Variants in NFATC3 observed in about 807,000 individuals in gnomAD.
NFATC3 encodes nuclear factor of activated T-cells, cytoplasmic 3.
Under a neutral mutation model 98.6 loss-of-function variants are expected in NFATC3, and 46 were observed. The ratio of observed to expected loss-of-function variants is 0.47; its 90% CI spans 0.37 to 0.60. NFATC3 has a LOEUF of 0.60. NFATC3 is among the 20% of genes least tolerant of loss of function. The probability of loss-of-function intolerance (pLI) is 0.00; values close to 1 mark genes in which losing one functional copy is unlikely to be tolerated. For synonymous variants in NFATC3, 512 were observed against 472.2 expected (o/e 1.08, Z -1.09); for missense variants, 1,256 against 1,295.5 (o/e 0.97, Z 0.47).
intron 1 of NFATC3, among the ~76,000 whole-genome samples, chr16:68,087,987 G>A (rs1598332541): frequency 6.6e-6 from 1 of 152,208 alleles, no homozygotes; most frequent in East Asian, 1.9e-4. Context: ...TTCTGTTGAG[G>A]ATGTGTTATA....
At chr16:68,205,782 T>C (rs2041121854) in intron 9 of NFATC3, among the ~76,000 whole-genome samples, 1 of 152,170 alleles carries the variant, frequency 6.6e-6, no homozygotes. Context: ...TATAGAATCT[T>C]GAGAGATTAT....
At chr16:68,144,610 G>T (rs1282868611) in intron 3 of NFATC3, among the ~76,000 whole-genome samples, 1 of 152,036 alleles carries the variant, frequency 6.6e-6, no homozygotes, top group Non-Finnish European at 1.5e-5. Context: ...CTCCTAAAGT[G>T]CTGAGATTAC....
In NFATC3 at chr16:68,112,645, C is replaced by CTT. The variant is rs1567503218; in HGVS notation, c.104-9342_104-9341insTT. Among the ~76,000 whole-genome samples the CTT allele has an allele frequency of 2.4e-3, 284 of 119,180 alleles. 4 individuals are homozygous for CTT. Among genetic ancestry groups the CTT allele is most frequent in the Middle Eastern group, 0.015 (3 of 200 alleles). The allele number at this position is 119,180 out of a possible 152,430, so 78.2% of individuals were successfully genotyped here. A position where few individuals can be genotyped will look rare whatever the true frequency, so the allele number is the denominator to read the frequency against. On this transcript the variant is annotated intron_variant, in intron 1 of 9. Transcript: ENST00000346183. ...TCATTTCTTTTCATTTTTTCTTTTT[C>CTT]GTTTTTTTTTTTTTTTTTTTTTTTG... is the stretch of plus-strand genomic sequence containing the variant.
intron 9 of NFATC3, among the ~76,000 whole-genome samples, chr16:68,220,756 A>G (rs1489140328): frequency 7.8e-6 from 1 of 128,930 alleles, no homozygotes; most frequent in African/African-American, 3.6e-5. Context: ...AAAAAAAAAT[A>G]CAAAAAAAAA....
intron 9 of NFATC3, among the ~76,000 whole-genome samples, chr16:68,216,908 A>T (rs539441922): frequency 1.3e-5 from 2 of 152,318 alleles, no homozygotes; most frequent in South Asian, 4.1e-4. Flanking sequence ...TGGGGAAAAA[A>T]GGTATAATAA....
At chr16:68,196,264 C>T (rs918297934) in intron 9 of NFATC3, among the ~76,000 whole-genome samples, 10 of 151,990 alleles carry the variant, frequency 6.6e-5, no homozygotes, top group South Asian at 2.1e-4. Flanking sequence ...GGACTACAGG[C>T]GTGTACCACC....
intron 9 of NFATC3, among the ~76,000 whole-genome samples, chr16:68,216,875 A>AT (rs2041661054): frequency 6.6e-6 from 1 of 151,980 alleles, no homozygotes; most frequent in African/African-American, 2.4e-5. Flanking sequence ...AAGAGGACTG[A>AT]TTTTCCCCCT....
intron 9 of NFATC3, among the ~76,000 whole-genome samples, chr16:68,206,257 A>G (rs575944438): frequency 1.3e-5 from 2 of 152,202 alleles, no homozygotes; most frequent in African/African-American, 4.8e-5. Context: ...AAAATTCAAA[A>G]TTTACCATTT....
chr16:68,222,027 C>T (rs542061125), intron 9 of NFATC3, among the ~76,000 whole-genome samples: 89 of 151,898 alleles, frequency 5.9e-4, no homozygotes, highest in African/African-American at 1.8e-3. Flanking sequence ...CAGTGGGTCA[C>T]GCCTGTAATC....
intron 9 of NFATC3, among the ~76,000 whole-genome samples, chr16:68,192,652 A>T (rs969482817): frequency 6.6e-6 from 1 of 151,206 alleles, no homozygotes; most frequent in African/African-American, 2.4e-5. Flanking sequence ...TGAGCCCAGA[A>T]CTTCAAGACC....
At chr16:68,217,982 T>C in intron 9 of NFATC3, 1 of 1,201,010 alleles carries the variant, frequency 8.3e-7, no homozygotes, top group Non-Finnish European at 1.0e-6. Context: ...CAGCCTACCA[T>C]AGATACCTTC....
At chr16:68,137,557 T>C (rs2037490297) in intron 3 of NFATC3, among the ~76,000 whole-genome samples, 1 of 152,168 alleles carries the variant, frequency 6.6e-6, no homozygotes, top group Non-Finnish European at 1.5e-5. Flanking sequence ...CTTTCTGTTT[T>C]ACCATATTAC....
intron 9 of NFATC3, chr16:68,221,519 T>A (rs2041864503): frequency 1.6e-6 from 2 of 1,259,722 alleles, no homozygotes; most frequent in East Asian, 6.4e-5. Flanking sequence ...AAAGATTCAG[T>A]TGGCAAGTAA....
chr16:68,157,923 G>A lies in NFATC3; in HGVS notation c.1456G>A (p.Asp486Asn). 1 of 1,613,896 alleles carries A rather than the reference G, an allele frequency of 6.2e-7. No individual in the cohort carries two copies. Among genetic ancestry groups the A allele is most frequent in the Non-Finnish European group, 8.5e-7 (1 of 1,179,894 alleles). ...INLQMFIGTA[D>N]DRYLRPHAFY... ...TCTACAAATGTTTATTGGGACAGCAGATGATCGATATTTACGACCTCATGC... is the reference window on the plus strand; with the variant it reads ...TCTACAAATGTTTATTGGGACAGCAAATGATCGATATTTACGACCTCATGC... Residue 486 changes from aspartate to asparagine, a missense_variant, in exon 4 of 10, where the codon GAT (aspartate) becomes AAT (asparagine). Transcript: ENST00000346183.
At chr16:68,167,807 G>GTTTTTTTT (rs1263970399) in intron 5 of NFATC3, among the ~76,000 whole-genome samples, 9 of 23,628 alleles carry the variant, frequency 3.8e-4, no homozygotes, top group South Asian at 1.5e-3. Flanking sequence ...AACCGTATGT[G>GTTTTTTTT]TTCTTTTTTT....
intron 9 of NFATC3, among the ~76,000 whole-genome samples, chr16:68,202,925 G>A (rs892186570): frequency 6.6e-6 from 1 of 152,210 alleles, no homozygotes; most frequent in African/African-American, 2.4e-5. Flanking sequence ...ATGGGCACTG[G>A]AGTGGAGGGA....
intron 4 of NFATC3, among the ~76,000 whole-genome samples, chr16:68,161,134 C>T (rs570612669): frequency 6.6e-6 from 1 of 152,304 alleles, no homozygotes; most frequent in South Asian, 2.1e-4. Context: ...ACATGCCCAA[C>T]CTCTGAATGA....
chr16:68,090,529 T>A (rs1678905175), intron 1 of NFATC3, among the ~76,000 whole-genome samples: 1 of 152,148 alleles, frequency 6.6e-6, no homozygotes, highest in South Asian at 2.1e-4. Context: ...GAATATTTGG[T>A]CTTAAGACAT....
At position 68,122,820 on chromosome 16, in the gene NFATC3, G is replaced by C. The variant is rs370991985; in HGVS notation, c.937G>C (p.Ala313Pro). The C allele has an allele frequency of 1.4e-5, 23 of 1,614,242 alleles. No homozygotes were observed. The East Asian group carries it at 1.6e-4, about 11-fold the overall frequency. The change falls in exon 2 of 10, where the codon GCT becomes CCT. Residue 313 changes from alanine (A) to proline (P), a missense_variant. Transcript: ENST00000346183. ...TGTGACAGAAGATACGTGGCTCAAT[G>C]CTTCTGTCCATGGTGGGTCAGGCCT... ...GSVTEDTWLNASVHGGSGLGP... is the reference protein window; with the variant it reads ...GSVTEDTWLNPSVHGGSGLGP...
Sources: gnomAD v4.1 joint callset for allele counts (sites outside exome capture counted in the v4.1 genomes callset) on GRCh38, gnomAD v4.1.1 for gene constraint, MANE v1.5 for transcripts, NCBI Gene and HGNC (gene_info 2026-07-23, HGNC 2026-07-21) for gene names.